DMXL1: variants seen among roughly 807,000 people sequenced by gnomAD.
The protein encoded by DMXL1 is dmX-like protein 1.
DMXL1 carries 99 observed loss-of-function variants against 319.2 expected under a neutral mutation model. The observed-to-expected ratio is 0.31, with a 90% CI of 0.26 to 0.37. The LOEUF (loss-of-function observed/expected upper bound fraction) is 0.37, where lower values mean the gene tolerates loss of function less well. DMXL1 is among the 10% of genes least tolerant of loss of function. The pLI is 1.00. For missense variants in DMXL1, 3,745 were observed against 3,595.6 expected (o/e 1.04, Z -1.06); for synonymous variants, 1,385 against 1,235.2 (o/e 1.12, Z -2.54).
chr5:119,109,056 C>T (rs1415589164), intron 4 of DMXL1, among the ~76,000 whole-genome samples: 3 of 152,110 alleles, frequency 2.0e-5, no homozygotes, highest in South Asian at 2.1e-4. Context: ...CCGCCTTGGC[C>T]TCCCAAAGTG....
intron 3 of DMXL1, among the ~76,000 whole-genome samples, chr5:119,103,942 T>C (rs1757804038): frequency 6.6e-6 from 1 of 152,230 alleles, no homozygotes. Flanking sequence ...GGCTGGTTTA[T>C]TGGCTTATCA....
At chr5:119,128,099 GTC>G in intron 9 of DMXL1, 2 of 480,868 alleles carry the variant, frequency 4.2e-6, no homozygotes, top group South Asian at 3.2e-5. Context: ...CCCATTGCAA[GTC>G]TAAATCATGG....
Position 119,170,966 on chromosome 5 carries a change from C to T in DMXL1, c.6175C>T (p.Leu2059=), listed in dbSNP as rs2150263533. The change falls in exon 24 of 44, where the codon CTA becomes TTA. Residue 2059 remains leucine, a synonymous_variant. Coordinates refer to ENST00000539542, the MANE Select transcript of DMXL1 (RefSeq NM_001290321.3). ...EIDGGKLRYQ[L]YHWLEKEVIA... ...AGATGGTGGAAAATTGCGTTACCAA[C>T]TATACCACTGGCTTGAAAAAGAGGT... 1.2e-6 allele frequency: 2 copies of T among 1,613,852 alleles called. No homozygotes were observed. The highest frequency in any genetic ancestry group is 4.5e-5 in the East Asian group (2 of 44,856).
rs1789331433 is a variant in DMXL1 at position 119,244,268 on chromosome 5, A to G, written c.8705-91A>G. On this transcript the variant is annotated intron_variant, in intron 42 of 43. Transcript: ENST00000539542. Reference sequence around the variant, plus strand: ...TTTAATTGTTTCAGGCAGGATTGCAAATCTGGTCTATTATTTCACTTTAGC... The same window carrying G: ...TTTAATTGTTTCAGGCAGGATTGCAGATCTGGTCTATTATTTCACTTTAGC... 6 of 966,970 alleles carry G rather than the reference A, an allele frequency of 6.2e-6. No homozygotes were observed. The South Asian group carries it at 1.0e-4, about 16-fold the overall frequency. 59.9% of individuals were successfully genotyped at this position (966,970 alleles called of 1,614,324 possible). A position where few individuals can be genotyped will look rare whatever the true frequency, so the allele number is the denominator to read the frequency against.
At chr5:119,234,642 C>G (rs1379323048) in intron 39 of DMXL1, among the ~76,000 whole-genome samples, 1 of 152,132 alleles carries the variant, frequency 6.6e-6, no homozygotes, top group East Asian at 1.9e-4. Flanking sequence ...GTACAGATGC[C>G]TGTATAATTC....
rs375470122 is a variant in DMXL1 at position 119,197,827 on chromosome 5, G to A, written c.7616G>A (p.Arg2539Gln). ...CAATGTTGGGAACAAGTTCTTCTCC[G>A]ACGACTTGAAATCCATGGTGGGCCA... ...TLQCWEQVLLRRLEIHGGPPQ... is the reference protein window; with the variant it reads ...TLQCWEQVLLQRLEIHGGPPQ... The change falls in exon 32 of 44, where the codon CGA becomes CAA. Residue 2539 changes from arginine (R) to glutamine (Q), a missense_variant. Coordinates refer to ENST00000539542, the MANE Select transcript of DMXL1 (RefSeq NM_001290321.3). The A allele has an allele frequency of 3.6e-5, 58 of 1,613,920 alleles. No homozygotes were observed. Among genetic ancestry groups the A allele is most frequent in the Admixed American group, 5.0e-5 (3 of 59,996 alleles).
intron 21 of DMXL1, among the ~76,000 whole-genome samples, chr5:119,165,507 G>C (rs977729367): frequency 6.6e-6 from 1 of 152,194 alleles, no homozygotes. Flanking sequence ...TATCAATCCA[G>C]AAACAATATT....
intron 34 of DMXL1, among the ~76,000 whole-genome samples, chr5:119,207,413 A>G (rs1315297357): frequency 6.6e-6 from 1 of 152,226 alleles, no homozygotes; most frequent in African/African-American, 2.4e-5. Context: ...AAGAGGATAC[A>G]TAGTAAGTAC....
At chr5:119,084,681 C>G (rs988295517) in intron 1 of DMXL1, among the ~76,000 whole-genome samples, 2 of 151,468 alleles carry the variant, frequency 1.3e-5, no homozygotes, top group Non-Finnish European at 2.9e-5. Context: ...ATGTGACCAA[C>G]ATGGAAAAAC....
chr5:119,116,183 A>T lies in DMXL1; in HGVS notation c.590A>T (p.Tyr197Phe). 6.2e-7 allele frequency: 1 copy of T among 1,611,802 alleles called. No individual in the cohort carries two copies. The highest frequency in any genetic ancestry group is 8.5e-7 in the Non-Finnish European group (1 of 1,178,796). ...GKDDCLLKVW[Y>F]NVENWRTAVT... ...GATGACTGTCTTTTGAAGGTTTGGT[A>T]TAATGTAGAAAACTGGCGGACAGCT... is the stretch of plus-strand genomic sequence containing the variant. The change falls in exon 7 of 44, where the codon TAT becomes TTT. Residue 197 changes from tyrosine (Y) to phenylalanine (F), a missense_variant. Physicochemically the swap from Tyr to Phe is conservative, Grantham distance 22. Around this residue, in one of 4 missense-constraint regions of DMXL1, gnomAD observed 2,096 missense variants for 1,985.4 expected, o/e 1.06. Coordinates refer to ENST00000539542, the MANE Select transcript of DMXL1 (RefSeq NM_001290321.3).
At chr5:119,083,476 T>C (rs1431204470) in intron 1 of DMXL1, among the ~76,000 whole-genome samples, 1 of 152,228 alleles carries the variant, frequency 6.6e-6, no homozygotes, top group Non-Finnish European at 1.5e-5. Context: ...TTTGATGTAC[T>C]GAATTTCATT....
At chr5:119,169,569 T>C (rs773756655) in intron 23 of DMXL1, among the ~76,000 whole-genome samples, 7 of 152,054 alleles carry the variant, frequency 4.6e-5, no homozygotes, top group Non-Finnish European at 7.4e-5. Flanking sequence ...AGTATAGATA[T>C]AGGTAAAGAG....
chr5:119,161,335 G>C (rs182661524), intron 19 of DMXL1, among the ~76,000 whole-genome samples: 2 of 152,348 alleles, frequency 1.3e-5, no homozygotes, highest in Admixed American at 1.3e-4. Flanking sequence ...GCCTCTAATT[G>C]GGCTGGGTTA....
At chr5:119,093,948 A>T (rs1000174765) in intron 1 of DMXL1, among the ~76,000 whole-genome samples, 2 of 152,212 alleles carry the variant, frequency 1.3e-5, no homozygotes, top group African/African-American at 2.4e-5. Context: ...GGAAGCTGCA[A>T]AATTAAAGTT....
Position 119,149,890 on chromosome 5 carries a change from G to A in DMXL1, c.4063G>A (p.Gly1355Arg). 1 of 1,613,890 alleles carries A rather than the reference G, an allele frequency of 6.2e-7. No individual in the cohort carries two copies. The highest frequency in any genetic ancestry group is 8.5e-7 in the Non-Finnish European group (1 of 1,179,910). ...ILSHLVKCIAGEVVALNEAES... is the reference protein window; with the variant it reads ...ILSHLVKCIAREVVALNEAES... Reference sequence around the variant, plus strand: ...GTCCCATCTTGTTAAGTGCATTGCTGGGGAAGTTGTGGCTCTGAATGAAGC... The same window carrying A: ...GTCCCATCTTGTTAAGTGCATTGCTAGGGAAGTTGTGGCTCTGAATGAAGC... Residue 1355 changes from glycine to arginine, a missense_variant, in exon 18 of 44, where the codon GGG (glycine) becomes AGG (arginine). This residue lies in a region of DMXL1 where 2,096 missense variants were observed against 1,985.4 expected (regional missense o/e 1.06). Coordinates refer to ENST00000539542, the MANE Select transcript of DMXL1 (RefSeq NM_001290321.3).
chr5:119,147,257 G>C lies in DMXL1; in HGVS notation c.2698G>C (p.Val900Leu). The C allele has an allele frequency of 6.2e-7, 1 of 1,611,536 alleles. No homozygotes were observed. Among genetic ancestry groups the C allele is most frequent in the Non-Finnish European group, 8.5e-7 (1 of 1,178,474 alleles). ...TTTCTTATGTTTTGTAGATGAAAAA[G>C]TAGATACAAAATTATCCGAAGCGGT... ...KSIPVSLDEKVDTKLSEAVWQ... is the reference protein window; with the variant it reads ...KSIPVSLDEKLDTKLSEAVWQ... Residue 900 changes from valine (V) to leucine (L), a missense_variant, in exon 17 of 44, where the codon GTA (valine) becomes CTA (leucine). Coordinates refer to ENST00000539542, the MANE Select transcript of DMXL1 (RefSeq NM_001290321.3).
Position 119,165,286 on chromosome 5 carries a change from T to TAAA in DMXL1, c.4970+22_4970+24dup, listed in dbSNP as rs11301800. The stretch of plus-strand genomic sequence containing the variant: ...GTGATTTGGGGATTATATAGGTAGG[T>TAAA]AAAAAAAAAAAAAAAAAAGGGTGCT... On this transcript the variant is annotated splice_region_variant and intron_variant, in intron 21 of 43. Coordinates refer to ENST00000539542, the MANE Select transcript of DMXL1 (RefSeq NM_001290321.3). 9.3e-5 allele frequency: 82 copies of TAAA among 884,498 alleles called. No individual in the cohort carries two copies. Among genetic ancestry groups the TAAA allele is most frequent in the Middle Eastern group, 6.9e-4 (2 of 2,882 alleles). The allele number at this position is 884,498 out of a possible 1,614,324, so 54.8% of individuals were successfully genotyped here.
At chr5:119,073,288 C>T (rs1750064164) in intron 1 of DMXL1, among the ~76,000 whole-genome samples, 1 of 152,124 alleles carries the variant, frequency 6.6e-6, no homozygotes, top group African/African-American at 2.4e-5. Flanking sequence ...TCTTGACTTC[C>T]TGGGCTCAAG....
At position 119,133,801 on chromosome 5, in the gene DMXL1, G is replaced by A; in HGVS notation, c.1877G>A (p.Ser626Asn). The stretch of plus-strand genomic sequence containing the variant: ...GAATCTGCTTTTTCTACTGTTCTCA[G>A]TATTTCCCACAAATCCAGATATTGT... ...AEESAFSTVL[S>N]ISHKSRYCGH... The change falls in exon 12 of 44, where the codon AGT (serine) becomes AAT (asparagine). Residue 626 changes from serine to asparagine, a missense_variant. Transcript: ENST00000539542. 1 of 1,614,102 alleles carries A rather than the reference G, an allele frequency of 6.2e-7. No individual in the cohort carries two copies. Among genetic ancestry groups the A allele is most frequent in the Non-Finnish European group, 8.5e-7 (1 of 1,180,038 alleles).
Sources: allele counts gnomAD v4.1 joint callset (sites outside exome capture counted in the v4.1 genomes callset), GRCh38; gene constraint gnomAD v4.1.1; regional missense constraint gnomAD v4.1.1; transcripts MANE v1.5; gene names NCBI Gene and HGNC (gene_info 2026-07-23, HGNC 2026-07-21).